Variants in DST observed in about 807,000 individuals in gnomAD.
The protein encoded by DST is bullous pemphigoid antigen.
DST carries 253 observed loss-of-function variants against 875.2 expected under a neutral mutation model. The ratio of observed to expected loss-of-function variants is 0.29; its 90% CI spans 0.26 to 0.32. The LOEUF (loss-of-function observed/expected upper bound fraction) is 0.32, where lower values mean the gene tolerates loss of function less well. Among genes scored for constraint, DST ranks in the 10% least tolerant of loss-of-function variants. The pLI is 1.00. For synonymous variants in DST, 3,124 were observed against 3,197.1 expected, an observed-to-expected ratio of 0.98 and a Z score of 0.77; for missense variants, 8,287 against 9,111.6, an observed-to-expected ratio of 0.91 and a Z score of 3.68.
intron 4 of DST, among the ~76,000 whole-genome samples, chr6:56,801,025 GAAAAAAAAAAA>G (rs34514599): frequency 1.0e-4 from 7 of 66,966 alleles, no homozygotes; most frequent in African/African-American, 1.7e-4. Context: ...GTCTCAGGGA[GAAAAAAAAAAA>G]AAAAAAAAAA....
intron 49 of DST, among the ~76,000 whole-genome samples, chr6:56,579,642 G>A (rs367822760): frequency 1.7e-4 from 26 of 152,204 alleles, no homozygotes; most frequent in African/African-American, 6.0e-4. Context: ...GTGGATTTGG[G>A]AGAACCACTC....
chr6:56,740,679 T>G (rs1241239746), intron 4 of DST, among the ~76,000 whole-genome samples: 1 of 152,190 alleles, frequency 6.6e-6, no homozygotes, highest in Non-Finnish European at 1.5e-5. Flanking sequence ...GACAGGGAGC[T>G]GGGGAATCTG....
rs2098663701 is a variant in DST, at chr6:56,619,353, C to T, written c.4930-4869G>A. The T allele has an allele frequency of 2.5e-6, 4 of 1,613,596 alleles. No homozygotes were observed. Among genetic ancestry groups the T allele is most frequent in the Non-Finnish European group, 3.4e-6 (4 of 1,179,962 alleles). On this transcript the variant is annotated intron_variant, in intron 36 of 103. Coordinates refer to ENST00000680361, the MANE Select transcript of DST (RefSeq NM_001374736.1). The stretch of plus-strand genomic sequence containing the variant: ...GCACACTCATTACTTTTCTCCAATT[C>T]TTCATTGAGCCTTTGGATTTTATCA...
intron 69 of DST, among the ~76,000 whole-genome samples, chr6:56,523,384 A>C (rs1583951774): frequency 6.6e-6 from 1 of 152,164 alleles, no homozygotes; most frequent in East Asian, 1.9e-4. Context: ...TCAAATCAAA[A>C]CTTTTTAAAA....
At chr6:56,768,753 T>C (rs1425498593) in intron 4 of DST, among the ~76,000 whole-genome samples, 1 of 152,164 alleles carries the variant, frequency 6.6e-6, no homozygotes, top group Non-Finnish European at 1.5e-5. Context: ...AATGAAAAGA[T>C]AAGCCACAGA....
intron 10 of DST, among the ~76,000 whole-genome samples, chr6:56,654,919 T>C (rs1322944596): frequency 6.6e-6 from 1 of 151,916 alleles, no homozygotes; most frequent in East Asian, 1.9e-4. Context: ...CCAGCACTTT[T>C]GGAGGCCGAG....
intron 2 of DST, among the ~76,000 whole-genome samples, chr6:56,938,710 A>G (rs1473221076): frequency 1.3e-5 from 2 of 152,200 alleles, no homozygotes; most frequent in Non-Finnish European, 2.9e-5. Context: ...GAGGCACTGT[A>G]CAAGCCCAGA....
chr6:56,602,209 A>C (rs2098452482), intron 43 of DST, among the ~76,000 whole-genome samples: 2 of 151,860 alleles, frequency 1.3e-5, no homozygotes, highest in South Asian at 4.1e-4. Context: ...AGTATGCCAA[A>C]AGTGACAACA....
intron 4 of DST, among the ~76,000 whole-genome samples, chr6:56,750,272 T>C (rs747660879): frequency 1.3e-5 from 2 of 152,190 alleles, no homozygotes; most frequent in African/African-American, 2.4e-5. Flanking sequence ...CACTAGAGAA[T>C]ATCACCTTGG....
At chr6:56,639,840 T>A (rs1254444362) in intron 19 of DST, 67 bp from the exon 20 acceptor site, 2 of 1,581,020 alleles carry the variant, frequency 1.3e-6, no homozygotes, top group Non-Finnish European at 1.7e-6. Flanking sequence ...ACACTTAATG[T>A]ATCTATTATT....
chr6:56,938,414 G>C (rs1309047088), intron 2 of DST, among the ~76,000 whole-genome samples: 1 of 152,062 alleles, frequency 6.6e-6, no homozygotes, highest in African/African-American at 2.4e-5. Context: ...ATGAGCCACA[G>C]CACCCAGTCT....
At chr6:56,496,454 C>T (rs114264156) in intron 82 of DST, among the ~76,000 whole-genome samples, 1,612 of 151,800 alleles carry the variant, frequency 0.011, 35 homozygotes, top group African/African-American at 0.038. Flanking sequence ...AGCTCTATCA[C>T]CATTAAAACA....
chr6:56,823,189 C>G (rs1000259169), intron 4 of DST, among the ~76,000 whole-genome samples: 3 of 152,122 alleles, frequency 2.0e-5, no homozygotes, highest in Non-Finnish European at 2.9e-5. Context: ...CAACAAATTT[C>G]TAAGTAAGTC....
At chr6:56,613,178 G>A (rs994969026) in intron 37 of DST, among the ~76,000 whole-genome samples, 2 of 152,102 alleles carry the variant, frequency 1.3e-5, no homozygotes, top group African/African-American at 4.8e-5. Context: ...AATGAGGGGG[G>A]AGAAGGATAT....
chr6:56,627,863 T>A, intron 33 of DST, 136 bp downstream of exon 33: 1 of 819,326 alleles, frequency 1.2e-6, no homozygotes, highest in Non-Finnish European at 1.9e-6. Flanking sequence ...GTTGCAAGAT[T>A]TTAATATTTT....
chr6:56,529,337 T>C, intron 66 of DST, 111 bp downstream of exon 66: 1 of 920,752 alleles, frequency 1.1e-6, no homozygotes. Flanking sequence ...TTTTTTTAAG[T>C]ACAGCAATTC....
intron 50 of DST, among the ~76,000 whole-genome samples, chr6:56,576,402 G>A (rs971657575): frequency 2.6e-5 from 4 of 152,136 alleles, no homozygotes; most frequent in South Asian, 2.1e-4. Flanking sequence ...TCTGAAATAC[G>A]GATCACAATT....
chr6:56,610,546 TTTC>T lies in DST; in HGVS notation c.5161_5163del (p.Glu1721del). 1 of 1,575,440 alleles carries T rather than the reference TTTC, an allele frequency of 6.3e-7. No homozygotes were observed. The highest frequency in any genetic ancestry group is 8.6e-7 in the Non-Finnish European group (1 of 1,161,902). On this transcript the variant is annotated inframe_deletion, in exon 39 of 104. Transcript: ENST00000680361. ...TTCACTTGTTTTTCCAATTCATTTC[TTTC>T]TTCATCTGTCATTCTAAATAACCAG...
Position 56,640,479 on chromosome 6 carries a change from G to C in DST, c.2154C>G (p.Asn718Lys), listed in dbSNP as rs147659406. 1.5e-5 allele frequency: 24 copies of C among 1,614,184 alleles called. No homozygotes were observed. The African/African-American group carries it at 2.3e-4, about 15-fold the overall frequency. ...LMISGITQSL[N>K]SGFAQTLHPS... ...GGTGTAAGGTCTGTGCAAATCCTGA[G>C]TTTAAACTTTGAGTGATTCCTGATA... Residue 718 changes from asparagine (N) to lysine (K), a missense_variant, in exon 18 of 104, where the codon AAC (asparagine) becomes AAG (lysine). Physicochemically the swap from Asn to Lys is moderately conservative, Grantham distance 94. Coordinates refer to ENST00000680361, the MANE Select transcript of DST (RefSeq NM_001374736.1).
Sources: allele counts gnomAD v4.1 joint callset (sites outside exome capture counted in the v4.1 genomes callset), GRCh38; gene constraint gnomAD v4.1.1; transcripts MANE v1.5; gene names NCBI Gene and HGNC (gene_info 2026-07-23, HGNC 2026-07-21).